Variants in MREG observed in about 807,000 individuals in gnomAD.
The protein encoded by MREG is melanoregulin.
In MREG, 31 loss-of-function variants were observed where a neutral mutation model predicts 28.5. That is an observed-to-expected ratio of 1.09 (90% CI 0.82 to 1.47). MREG has a LOEUF of 1.47. Among genes scored for constraint, MREG ranks in the 40% most tolerant of loss-of-function variants. The pLI is 0.00. For missense variants in MREG, 256 were observed against 257.4 expected (o/e 0.99, Z 0.04); for synonymous variants, 106 against 95.2 (o/e 1.11, Z -0.66).
chr2:215,990,944 C>A (rs551352500), intron 2 of MREG, among the ~76,000 whole-genome samples: 1 of 151,966 alleles, frequency 6.6e-6, no homozygotes, highest in Admixed American at 6.6e-5. Context: ...ACAATAATAG[C>A]GGGAGACTTT....
intron 1 of MREG, among the ~76,000 whole-genome samples, chr2:215,998,320 A>AAT (rs1553554016): frequency 9.3e-4 from 129 of 138,894 alleles, no homozygotes; most frequent in East Asian, 5.6e-3. Flanking sequence ...AAAAAAAAAA[A>AAT]AATAATAATA....
intron 1 of MREG, among the ~76,000 whole-genome samples, chr2:216,018,942 C>G (rs1559201136): frequency 6.6e-6 from 1 of 152,162 alleles, no homozygotes; most frequent in Non-Finnish European, 1.5e-5. Context: ...ATGAGCCAAT[C>G]AAACACTCTT....
intron 1 of MREG, among the ~76,000 whole-genome samples, chr2:216,019,268 G>T (rs957429219): frequency 6.6e-6 from 1 of 152,080 alleles, no homozygotes; most frequent in East Asian, 1.9e-4. Context: ...CCTGAACTGG[G>T]TTAAGAGGCA....
At chr2:215,959,985 T>C (rs1692735658) in intron 2 of MREG, among the ~76,000 whole-genome samples, 1 of 151,594 alleles carries the variant, frequency 6.6e-6, no homozygotes, top group Non-Finnish European at 1.5e-5. Flanking sequence ...AGACGGAGTC[T>C]CGCTCTGTCG....
At chr2:216,006,076 T>C (rs1694146893) in intron 1 of MREG, among the ~76,000 whole-genome samples, 1 of 152,238 alleles carries the variant, frequency 6.6e-6, no homozygotes, top group African/African-American at 2.4e-5. Context: ...GTTTATACTT[T>C]TTAAACATAG....
intron 2 of MREG, among the ~76,000 whole-genome samples, chr2:215,952,023 T>C (rs1250502408): frequency 6.6e-6 from 1 of 152,224 alleles, no homozygotes; most frequent in Non-Finnish European, 1.5e-5. Context: ...GCAGTAATTG[T>C]CTCTCTGCGC....
At chr2:215,981,501 G>A (rs951621144) in intron 2 of MREG, among the ~76,000 whole-genome samples, 1 of 152,190 alleles carries the variant, frequency 6.6e-6, no homozygotes, top group South Asian at 2.1e-4. Context: ...GAGCTGGGGA[G>A]TTATTGTCTA....
intron 2 of MREG, among the ~76,000 whole-genome samples, chr2:215,989,070 G>A (rs189421596): frequency 8.9e-4 from 133 of 149,306 alleles, no homozygotes; most frequent in African/African-American, 3.2e-3. Context: ...TCCTCAAGTG[G>A]GTCCCTGACC....
chr2:215,964,881 A>T (rs1692898658), intron 2 of MREG, among the ~76,000 whole-genome samples: 1 of 50,800 alleles, frequency 2.0e-5, no homozygotes, highest in Non-Finnish European at 4.4e-5. Context: ...ATAGATAGAT[A>T]GACAGACAGA....
chr2:215,959,931 G>A (rs758897929), intron 2 of MREG, among the ~76,000 whole-genome samples: 3 of 151,350 alleles, frequency 2.0e-5, no homozygotes, highest in East Asian at 3.9e-4. Context: ...TACGAAAATT[G>A]TTGTAGAGTT....
At chr2:216,031,059 A>C (rs970719130) in intron 1 of MREG, among the ~76,000 whole-genome samples, 2 of 151,828 alleles carry the variant, frequency 1.3e-5, no homozygotes, top group Admixed American at 6.6e-5. Flanking sequence ...TATCTCACTG[A>C]AATATCTGTC....
chr2:215,989,695 A>G (rs2106009510), intron 2 of MREG, among the ~76,000 whole-genome samples: 2 of 152,156 alleles, frequency 1.3e-5, no homozygotes, highest in South Asian at 4.2e-4. Context: ...TTAGAGAAGA[A>G]CGTAAATGAC....
intron 1 of MREG, among the ~76,000 whole-genome samples, chr2:216,026,563 G>A (rs1031701078): frequency 1.3e-5 from 2 of 151,974 alleles, no homozygotes; most frequent in Non-Finnish European, 2.9e-5. Context: ...GTTTCACCAT[G>A]TTGCCCAGGC....
intron 2 of MREG, among the ~76,000 whole-genome samples, chr2:215,986,749 C>T (rs1228754985): frequency 6.6e-6 from 1 of 152,208 alleles, no homozygotes; most frequent in Non-Finnish European, 1.5e-5. Flanking sequence ...TAAGACATGA[C>T]TTTGCTCCTC....
intron 1 of MREG, among the ~76,000 whole-genome samples, chr2:216,003,707 G>A (rs1694079980): frequency 6.6e-6 from 1 of 152,074 alleles, no homozygotes; most frequent in African/African-American, 2.4e-5. Flanking sequence ...CTCAGATGAT[G>A]GCAACTCCAT....
At chr2:216,024,023 G>C (rs2105931177) in intron 1 of MREG, among the ~76,000 whole-genome samples, 1 of 152,176 alleles carries the variant, frequency 6.6e-6, no homozygotes, top group Non-Finnish European at 1.5e-5. Context: ...CCAAAGTAGA[G>C]GGCCCTTTCA....
At chr2:215,987,041 A>G (rs1259726258) in intron 2 of MREG, among the ~76,000 whole-genome samples, 1 of 152,238 alleles carries the variant, frequency 6.6e-6, no homozygotes, top group Non-Finnish European at 1.5e-5. Flanking sequence ...GTAAATATCA[A>G]TAGGAACTGG....
At chr2:216,010,915 T>G (rs193205526) in intron 1 of MREG, among the ~76,000 whole-genome samples, 2 of 150,228 alleles carry the variant, frequency 1.3e-5, no homozygotes, top group African/African-American at 4.9e-5. Flanking sequence ...GATAACACGG[T>G]GAAACCCCGT....
chr2:215,978,130 C>T (rs189580694), intron 2 of MREG, among the ~76,000 whole-genome samples: 1 of 152,034 alleles, frequency 6.6e-6, no homozygotes, highest in African/African-American at 2.4e-5. Context: ...ATTGATAGAC[C>T]ACTAGTAAGA....
Sources: allele counts gnomAD v4.1 joint callset (sites outside exome capture counted in the v4.1 genomes callset), GRCh38; gene constraint gnomAD v4.1.1; transcripts MANE v1.5; gene names NCBI Gene and HGNC (gene_info 2026-07-23, HGNC 2026-07-21).